Variants in MCF2L2 observed in about 807,000 individuals in gnomAD.
MCF2L2 encodes probable guanine nucleotide exchange factor MCF2L2.
MCF2L2 carries 102 observed loss-of-function variants against 150.2 expected under a neutral mutation model. The observed-to-expected ratio is 0.68, with a 90% CI of 0.58 to 0.80. MCF2L2 has a LOEUF of 0.80. Ranked by LOEUF, MCF2L2 falls within the 30% of genes least tolerant of loss-of-function variation. The pLI is 0.00. For missense variants in MCF2L2, 1,256 were observed against 1,372.8 expected, an observed-to-expected ratio of 0.91 and a Z score of 1.34; for synonymous variants, 465 against 491.3, an observed-to-expected ratio of 0.95 and a Z score of 0.71.
At chr3:183,423,741 C>T (rs112201820) in intron 1 of MCF2L2, among the ~76,000 whole-genome samples, 9,913 of 148,594 alleles carry the variant, frequency 0.067, 1,114 homozygotes, top group African/African-American at 0.23. Context: ...CGGGTTCAAG[C>T]GATTCTCCTG....
rs1198549040 is a variant in MCF2L2 at position 183,179,443 on chromosome 3, C to G, written c.3282G>C (p.Ala1094=). 5 of 1,585,592 alleles carry G rather than the reference C, an allele frequency of 3.2e-6. No individual in the cohort carries two copies. Among genetic ancestry groups the G allele is most frequent in the Non-Finnish European group, 4.3e-6 (5 of 1,165,070 alleles). ...TCGCCTGGAAACCAGCCGTCGCCCC[C>G]GCAGGAGCCAGCCGGCCCGTGGACG... ...AGASTGRLAP[A]GATAGFQARA... Residue 1094 remains alanine (A), a synonymous_variant, in exon 30 of 30, where the codon GCG becomes GCC. Coordinates refer to ENST00000328913, the MANE Select transcript of MCF2L2 (RefSeq NM_015078.4). The surrounding 1 kb of genome is among the most constrained non-coding windows in gnomAD (Gnocchi z 4.2).
intron 3 of MCF2L2, among the ~76,000 whole-genome samples, chr3:183,361,121 A>AG (rs1712173745): frequency 6.6e-6 from 1 of 152,036 alleles, no homozygotes; most frequent in African/African-American, 2.4e-5. Context: ...AAAAAAGAAA[A>AG]AGAAAAGAAA....
At chr3:183,411,207 G>A (rs1715301143) in intron 1 of MCF2L2, among the ~76,000 whole-genome samples, 1 of 152,176 alleles carries the variant, frequency 6.6e-6, no homozygotes, top group African/African-American at 2.4e-5. Context: ...ATGTCAGTGT[G>A]TTAAATTCCA....
chr3:183,396,354 TGAGAAATC>T (rs1210137439), intron 1 of MCF2L2, among the ~76,000 whole-genome samples: 1 of 152,170 alleles, frequency 6.6e-6, no homozygotes, highest in Non-Finnish European at 1.5e-5. Flanking sequence ...TGAATTAACT[TGAGAAATC>T]CTTCCTCTCA....
chr3:183,420,556 G>A (rs776357816), intron 1 of MCF2L2, among the ~76,000 whole-genome samples: 10 of 152,100 alleles, frequency 6.6e-5, no homozygotes, highest in East Asian at 3.9e-4. Context: ...CTGAAATTGC[G>A]CCACTGCACT....
intron 1 of MCF2L2, 27 bp downstream of exon 1, chr3:183,427,875 C>A (rs763419091): frequency 1.9e-6 from 3 of 1,605,946 alleles, no homozygotes; most frequent in Non-Finnish European, 2.6e-6. Flanking sequence ...ATTAATAAAA[C>A]GCAGGAAAAA....
chr3:183,333,166 C>T (rs1730335675), intron 5 of MCF2L2, among the ~76,000 whole-genome samples: 1 of 152,106 alleles, frequency 6.6e-6, no homozygotes, highest in African/African-American at 2.4e-5. Flanking sequence ...CCTGCCTCAG[C>T]CCCCCGAGTA....
intron 1 of MCF2L2, among the ~76,000 whole-genome samples, chr3:183,411,822 A>G (rs1015978166): frequency 1.3e-5 from 2 of 152,186 alleles, no homozygotes; most frequent in African/African-American, 4.8e-5. Flanking sequence ...AATGAACTAC[A>G]GTTGTTTAAC....
intron 3 of MCF2L2, among the ~76,000 whole-genome samples, chr3:183,369,386 G>C (rs1352781291): frequency 6.6e-6 from 1 of 152,134 alleles, no homozygotes; most frequent in African/African-American, 2.4e-5. Context: ...CCAGTCTATG[G>C]AGAATGTGCA....
chr3:183,356,828 C>G (rs112586542), intron 3 of MCF2L2, among the ~76,000 whole-genome samples: 2 of 152,102 alleles, frequency 1.3e-5, no homozygotes, highest in African/African-American at 4.8e-5. Flanking sequence ...ACAATGAAAA[C>G]AACTACAAAA....
intron 3 of MCF2L2, among the ~76,000 whole-genome samples, chr3:183,371,011 G>C (rs1204052827): frequency 6.6e-6 from 1 of 152,196 alleles, no homozygotes; most frequent in African/African-American, 2.4e-5. Flanking sequence ...TGTACATCCT[G>C]ATGAGTCAGA....
chr3:183,231,324 T>A, intron 15 of MCF2L2: 6 of 515,070 alleles, frequency 1.2e-5, no homozygotes, highest in South Asian at 7.9e-5. Context: ...AAGGGAGATG[T>A]TGGAGTCAGA....
intron 3 of MCF2L2, among the ~76,000 whole-genome samples, chr3:183,359,118 C>T (rs1172924630): frequency 1.3e-5 from 2 of 151,830 alleles, no homozygotes; most frequent in Non-Finnish European, 2.9e-5. Flanking sequence ...CAGAATAAGC[C>T]TGGGATGCTG....
intron 25 of MCF2L2, among the ~76,000 whole-genome samples, chr3:183,200,775 T>C (rs558466911): frequency 6.6e-6 from 1 of 152,358 alleles, no homozygotes; most frequent in East Asian, 1.9e-4. Context: ...TTTAAGTCTT[T>C]AATCCATCTT....
chr3:183,188,344 C>G (rs1721767688), intron 27 of MCF2L2, among the ~76,000 whole-genome samples: 1 of 152,150 alleles, frequency 6.6e-6, no homozygotes, highest in Non-Finnish European at 1.5e-5. Flanking sequence ...AAGTTGGAGA[C>G]ATGGGGAGAA....
chr3:183,239,514 G>C (rs999408220), intron 15 of MCF2L2, among the ~76,000 whole-genome samples: 6 of 151,738 alleles, frequency 4.0e-5, no homozygotes, highest in African/African-American at 1.5e-4. Context: ...AGGATTTCCT[G>C]ATAAGTTTCT....
At chr3:183,346,495 T>C (rs1365345240) in intron 3 of MCF2L2, among the ~76,000 whole-genome samples, 2 of 152,140 alleles carry the variant, frequency 1.3e-5, no homozygotes, top group Non-Finnish European at 2.9e-5. Flanking sequence ...CTTTGAAAAC[T>C]GGCACAAGAC....
chr3:183,272,506 G>A (rs541863991), intron 15 of MCF2L2: 2 of 995,590 alleles, frequency 2.0e-6, no homozygotes, highest in African/African-American at 3.5e-5. Context: ...GCTTTTTAAT[G>A]TTTACAGAAA....
At chr3:183,262,879 C>T (rs1030329123) in intron 15 of MCF2L2, among the ~76,000 whole-genome samples, 1 of 151,952 alleles carries the variant, frequency 6.6e-6, no homozygotes, top group Non-Finnish European at 1.5e-5. Context: ...TGGTAAGTCC[C>T]ATTTCCCCAG....
Sources: gnomAD v4.1 joint callset for allele counts (sites outside exome capture counted in the v4.1 genomes callset) on GRCh38, gnomAD v4.1.1 for gene constraint, Gnocchi (gnomAD v3.1) non-coding constraint, MANE v1.5 for transcripts, NCBI Gene and HGNC (gene_info 2026-07-23, HGNC 2026-07-21) for gene names.